Variants in PCDH19 observed in about 807,000 individuals in gnomAD.
PCDH19 encodes the protein protocadherin-19.
Under a neutral mutation model 46.2 loss-of-function variants are expected in PCDH19, and 6 were observed. The ratio of observed to expected loss-of-function variants is 0.13; its 90% CI spans 0.07 to 0.26. PCDH19 has a LOEUF of 0.26. Ranked by LOEUF, PCDH19 falls within the 10% of genes least tolerant of loss-of-function variation. The pLI, the probability that PCDH19 is intolerant of heterozygous loss-of-function variation, is 1.00. For synonymous variants in PCDH19, 481 were observed against 415.7 expected, an observed-to-expected ratio of 1.16 and a Z score of -1.91; for missense variants, 740 against 972.3, an observed-to-expected ratio of 0.76 and a Z score of 3.18.
In PCDH19 at chrX:100,364,591, T is replaced by C. The variant is rs760521612; in HGVS notation, c.2617-13887A>G. Among the ~76,000 whole-genome samples, 5 of 111,401 alleles carry C rather than the reference T, an allele frequency of 4.5e-5. No homozygotes were observed. In the South Asian group the frequency reaches 1.9e-3, roughly 43 times the overall value. The stretch of plus-strand genomic sequence containing the variant: ...ACCTAAGGAAATATAAGGAATATAC[T>C]TACCTCTATCACATCACCTAACACA... On this transcript the variant is annotated intron_variant, in intron 3 of 5. Coordinates refer to ENST00000373034, the MANE Select transcript of PCDH19 (RefSeq NM_001184880.2).
chrX:100,351,984 A>C (rs928875871), intron 3 of PCDH19, among the ~76,000 whole-genome samples: 4 of 112,345 alleles, frequency 3.6e-5, no homozygotes, highest in Non-Finnish European at 5.6e-5. Context: ...AGAGAGGAGG[A>C]GACAGTACTT....
At chrX:100,314,812 A>C (rs745609568) in intron 5 of PCDH19, among the ~76,000 whole-genome samples, 29 of 112,107 alleles carry the variant, frequency 2.6e-4, no homozygotes, top group African/African-American at 8.7e-4. Context: ...AGTTCAATGA[A>C]CCTTTTATTC....
chrX:100,338,648 T>C (rs139873554), intron 5 of PCDH19, among the ~76,000 whole-genome samples: 1,661 of 110,572 alleles, frequency 0.015, 27 homozygotes, highest in African/African-American at 0.052. Context: ...CAGAGAAGGG[T>C]TACTGAAAAT....
intron 4 of PCDH19, 86 bp downstream of exon 4, chrX:100,350,560 A>C (rs976327379): frequency 1.1e-5 from 7 of 660,013 alleles, no homozygotes; most frequent in Non-Finnish European, 1.7e-5. Flanking sequence ...TCCCCCAAAA[A>C]AATACGTTTT....
intron 3 of PCDH19, among the ~76,000 whole-genome samples, chrX:100,376,967 G>C (rs1482849493): frequency 8.9e-6 from 1 of 112,062 alleles, no homozygotes; most frequent in African/African-American, 3.2e-5. Flanking sequence ...TATTACTTTT[G>C]GTTCCCTCTC....
At chrX:100,333,174 G>GAAGAGAGAGA (rs1167397761) in intron 5 of PCDH19, among the ~76,000 whole-genome samples, 16 of 28,953 alleles carry the variant, frequency 5.5e-4, no homozygotes, top group African/African-American at 2.0e-3. Context: ...AGGAAGGAAG[G>GAAGAGAGAGA]GAGAGAGAGA....
In PCDH19 at chrX:100,408,442, C is replaced by A; in HGVS notation, c.156G>T (p.Ala52=). ...VAKDAREAGF[A]LDPRQASAFR... ...AGGCTGAAGCCTGCCGGGGGTCCAG[C>A]GCGAAGCCCGCCTCTCGCGCGTCTT... The change falls in exon 1 of 6, where the codon GCG becomes GCT. Residue 52 remains alanine (A), a synonymous_variant. Coordinates refer to ENST00000373034, the MANE Select transcript of PCDH19 (RefSeq NM_001184880.2). 2 of 1,202,884 alleles carry A rather than the reference C, an allele frequency of 1.7e-6. No individual in the cohort carries two copies. Among genetic ancestry groups the A allele is most frequent in the Non-Finnish European group, 2.2e-6 (2 of 892,997 alleles).
chrX:100,355,701 C>T (rs946626161), intron 3 of PCDH19, among the ~76,000 whole-genome samples: 2 of 111,422 alleles, frequency 1.8e-5, no homozygotes, highest in Non-Finnish European at 3.8e-5. Context: ...TTGTTAGCTG[C>T]TTGGGAGCTT....
At chrX:100,396,118 C>T (rs941652656) in intron 3 of PCDH19, among the ~76,000 whole-genome samples, 13 of 111,740 alleles carry the variant, frequency 1.2e-4, no homozygotes, top group Non-Finnish European at 2.4e-4. Context: ...CAAGCTTGGC[C>T]TCCCCTAAAT....
At chrX:100,305,923 A>T (rs1337844124) in intron 5 of PCDH19, among the ~76,000 whole-genome samples, 1 of 111,898 alleles carries the variant, frequency 8.9e-6, no homozygotes, top group Non-Finnish European at 1.9e-5. Flanking sequence ...TAAAATAATT[A>T]CTACTAGACC....
intron 5 of PCDH19, among the ~76,000 whole-genome samples, chrX:100,327,410 T>C (rs970673053): frequency 8.9e-6 from 1 of 112,300 alleles, no homozygotes; most frequent in Non-Finnish European, 1.9e-5. Flanking sequence ...TTAGCCACTA[T>C]GATGTTCTGC....
At chrX:100,318,703 G>C in intron 5 of PCDH19, among the ~76,000 whole-genome samples, 1 of 111,984 alleles carries the variant, frequency 8.9e-6, no homozygotes, top group Non-Finnish European at 1.9e-5. Context: ...TATGGGGAAA[G>C]TAGGAAACGA....
chrX:100,393,595 C>T (rs1927932589), intron 3 of PCDH19, among the ~76,000 whole-genome samples: 1 of 110,385 alleles, frequency 9.1e-6, no homozygotes, highest in Non-Finnish European at 1.9e-5. Context: ...TCGGCTTACA[C>T]AGGGAATCCA....
rs1166685790 is a variant in PCDH19 at position 100,387,174 on chromosome X, T to C, written c.2616+15350A>G. Among the ~76,000 whole-genome samples the C allele has an allele frequency of 3.6e-5, 4 of 111,984 alleles. No individual in the cohort carries two copies. The East Asian group carries it at 1.1e-3, about 31-fold the overall frequency. On this transcript the variant is annotated intron_variant, in intron 3 of 5. Transcript: ENST00000373034. ...TGCTGCTTAGGATGTGAGAAGTTTA[T>C]ACAGCCATCAATTAAAGAGGTGTTC...
At chrX:100,357,024 T>C (rs895313071) in intron 3 of PCDH19, among the ~76,000 whole-genome samples, 2 of 111,541 alleles carry the variant, frequency 1.8e-5, no homozygotes, top group Non-Finnish European at 3.8e-5. Context: ...TGATTCTTAA[T>C]TTATTCATTT....
chrX:100,294,497 G>A lies in PCDH19; in HGVS notation c.*1780C>T, dbSNP rs1602565294. On this transcript the variant is annotated 3_prime_UTR_variant, in exon 6 of 6. Coordinates refer to ENST00000373034, the MANE Select transcript of PCDH19 (RefSeq NM_001184880.2). Reference sequence around the variant, plus strand: ...TAAAAGAAAATATTCCTAGTAATGCGTAAAGCTAGGAACTCAGGCAAAAAT... The same window carrying A: ...TAAAAGAAAATATTCCTAGTAATGCATAAAGCTAGGAACTCAGGCAAAAAT... 1 of 99,816 alleles carries A rather than the reference G, an allele frequency of 1.0e-5. No individual in the cohort carries two copies. The highest frequency in any genetic ancestry group is 3.8e-5 in the African/African-American group (1 of 26,197). 8.2% of individuals were successfully genotyped at this position (99,816 alleles called of 1,213,427 possible).
intron 5 of PCDH19, among the ~76,000 whole-genome samples, chrX:100,309,121 A>T (rs1471715819): frequency 1.9e-5 from 2 of 104,724 alleles, no homozygotes; most frequent in Non-Finnish European, 3.9e-5. Context: ...AATGCCCATC[A>T]ATCAATGAGA....
chrX:100,385,927 A>C (rs1293039416), intron 3 of PCDH19, among the ~76,000 whole-genome samples: 1 of 112,055 alleles, frequency 8.9e-6, no homozygotes, highest in African/African-American at 3.2e-5. Context: ...ACATAATGTA[A>C]AGATGAGAAA....
Position 100,369,627 on chromosome X carries a change from C to T in PCDH19, c.2617-18923G>A, listed in dbSNP as rs1291211094. 3.6e-5 allele frequency among the ~76,000 whole-genome samples: 4 copies of T among 112,391 alleles called. No homozygotes were observed. The Admixed American group carries it at 3.8e-4, about 11-fold the overall frequency. Reference sequence around the variant, plus strand: ...TAGTTTTAGTCTCTTCATTTCAACACATTTGCCTACTGCAGATCAATGTTA... The same window carrying T: ...TAGTTTTAGTCTCTTCATTTCAACATATTTGCCTACTGCAGATCAATGTTA... On this transcript the variant is annotated intron_variant, in intron 3 of 5. Transcript: ENST00000373034.
Sources: gnomAD v4.1 joint callset for allele counts (sites outside exome capture counted in the v4.1 genomes callset) on GRCh38, gnomAD v4.1.1 for gene constraint, MANE v1.5 for transcripts, NCBI Gene and HGNC (gene_info 2026-07-23, HGNC 2026-07-21) for gene names.